Variants in TUSC3 observed in about 807,000 individuals in gnomAD.
TUSC3 encodes the protein tumor suppressor candidate 3.
In TUSC3, 45 loss-of-function variants were observed where a neutral mutation model predicts 44.8. The ratio of observed to expected loss-of-function variants is 1.00; its 90% CI spans 0.79 to 1.29. The LOEUF (loss-of-function observed/expected upper bound fraction) is 1.29, where lower values mean the gene tolerates loss of function less well. TUSC3 is among the 50% of genes most tolerant of loss of function. The probability of loss-of-function intolerance (pLI) is 0.00; values close to 1 mark genes in which losing one functional copy is unlikely to be tolerated. For missense variants in TUSC3, 519 were observed against 437.9 expected (o/e 1.19, Z -1.65); for synonymous variants, 212 against 152.9 (o/e 1.39, Z -2.85).
the TUSC3 span, among the ~76,000 whole-genome samples, chr8:15,848,741 A>C: frequency 3.3e-5 from 5 of 152,154 alleles, no homozygotes; most frequent in African/African-American, 9.7e-5. Context: ...AGAATCTTCA[A>C]CTTGGAGTCA....
intron 2 of TUSC3, among the ~76,000 whole-genome samples, chr8:15,639,388 A>G (rs551102282): frequency 3.3e-5 from 5 of 152,332 alleles, no homozygotes; most frequent in African/African-American, 1.2e-4. Context: ...AATGAATGAG[A>G]ATTTTTTCAT....
chr8:15,512,993 A>G lies in TUSC3; in HGVS notation n.189+29510A>G, dbSNP rs1585071693. On this transcript the variant is annotated intron_variant and non_coding_transcript_variant, in intron 2 of 5. Coordinates refer to the TUSC3 transcript ENST00000503191. The stretch of plus-strand genomic sequence containing the variant: ...TTCTCTGGAAAATTCTCACTCATAC[A>G]TAAGTCAAATTTTTTTCCCAGATTG... Among the ~76,000 whole-genome samples the G allele has an allele frequency of 1.4e-5, 2 of 143,790 alleles. 1 individual carries two copies. The highest frequency in any genetic ancestry group is 1.4e-4 in the Admixed American group (2 of 14,224). 94.3% of individuals were successfully genotyped at this position (143,790 alleles called of 152,430 possible).
chr8:15,751,644 T>C (rs1318746825), intron 9 of TUSC3, among the ~76,000 whole-genome samples: 1 of 151,466 alleles, frequency 6.6e-6, no homozygotes, highest in African/African-American at 2.4e-5. Flanking sequence ...ATTAATTGTC[T>C]GTTTCTTAGG....
chr8:15,770,710 C>G (rs1221987661), downstream of TUSC3, among the ~76,000 whole-genome samples: 1 of 152,040 alleles, frequency 6.6e-6, no homozygotes. Flanking sequence ...GAACTTGAAG[C>G]TAGGTCAGTT....
chr8:15,750,401 C>G (rs552906536), intron 9 of TUSC3, among the ~76,000 whole-genome samples: 1 of 152,218 alleles, frequency 6.6e-6, no homozygotes, highest in East Asian at 1.9e-4. Flanking sequence ...AGATTATTAT[C>G]TGACAGCAAT....
chr8:15,603,340 C>G (rs1804372651), intron 1 of TUSC3, among the ~76,000 whole-genome samples: 1 of 151,548 alleles, frequency 6.6e-6, no homozygotes, highest in Non-Finnish European at 1.5e-5. Context: ...ATCCTGGCAA[C>G]AGAATGCAAA....
At chr8:15,513,810 T>C (rs372677098) in intron 2 of TUSC3, among the ~76,000 whole-genome samples, 30 of 152,328 alleles carry the variant, frequency 2.0e-4, no homozygotes, top group East Asian at 1.2e-3. Flanking sequence ...ACTGCACTTA[T>C]ATCTCACCAG....
In TUSC3 at chr8:15,711,509, G is replaced by GTA. The variant is rs202091319; in HGVS notation, c.799-19145_799-19144dup. On this transcript the variant is annotated intron_variant, in intron 6 of 10. Coordinates refer to ENST00000503731, the MANE Select transcript of TUSC3 (RefSeq NM_006765.4). The stretch of plus-strand genomic sequence containing the variant: ...GTGTGTGTGTGTATTTAATATGTGT[G>GTA]TATATATATATATTTAATATATGTA... Among the ~76,000 whole-genome samples, 373 of 147,858 alleles carry GTA rather than the reference G, an allele frequency of 2.5e-3. 7 individuals are homozygous for GTA. The highest frequency in any genetic ancestry group is 0.016 in the South Asian group (76 of 4,714).
chr8:15,433,252 A>C (rs993850226), intron 1 of TUSC3, among the ~76,000 whole-genome samples: 10 of 152,200 alleles, frequency 6.6e-5, no homozygotes, highest in African/African-American at 2.2e-4. Context: ...ATATTTAAAA[A>C]AACAACATAG....
At chr8:15,834,202 T>C in the TUSC3 span, among the ~76,000 whole-genome samples, 1 of 149,288 alleles carries the variant, frequency 6.7e-6, no homozygotes, top group Admixed American at 6.7e-5. Flanking sequence ...TAAGTTTTCA[T>C]TTTTTCAATT....
chr8:15,594,995 C>T (rs908578948), intron 1 of TUSC3, among the ~76,000 whole-genome samples: 1 of 152,030 alleles, frequency 6.6e-6, no homozygotes, highest in Non-Finnish European at 1.5e-5. Flanking sequence ...TACTTCGGGG[C>T]AATATGATAC....
At chr8:15,549,004 G>T (rs1801964865) in intron 1 of TUSC3, among the ~76,000 whole-genome samples, 1 of 151,708 alleles carries the variant, frequency 6.6e-6, no homozygotes, top group East Asian at 2.0e-4. Context: ...GAAGCTCTGT[G>T]TTAAATAATG....
chr8:15,588,355 C>T (rs954199594), intron 1 of TUSC3, among the ~76,000 whole-genome samples: 8 of 152,024 alleles, frequency 5.3e-5, no homozygotes, highest in African/African-American at 1.9e-4. Flanking sequence ...ATTTGTGTAT[C>T]TTCTTTTTCG....
chr8:15,771,613 A>G (rs367853302), downstream of TUSC3, among the ~76,000 whole-genome samples: 13 of 152,294 alleles, frequency 8.5e-5, no homozygotes, highest in South Asian at 2.1e-3. Context: ...AAACTGGAAA[A>G]CTAACAAATA....
At chr8:15,848,021 T>G in the TUSC3 span, among the ~76,000 whole-genome samples, 4 of 152,196 alleles carry the variant, frequency 2.6e-5, no homozygotes, top group African/African-American at 4.8e-5. Flanking sequence ...ATATTTATTC[T>G]CTTTTTCCTT....
intron 5 of TUSC3, among the ~76,000 whole-genome samples, chr8:15,667,383 ATAAT>A (rs1198366615): frequency 6.6e-6 from 1 of 151,726 alleles, no homozygotes; most frequent in Non-Finnish European, 1.5e-5. Flanking sequence ...TGAACAATAA[ATAAT>A]TCACTTGTGA....
At chr8:15,544,511 G>A (rs1801799504) in intron 1 of TUSC3, among the ~76,000 whole-genome samples, 1 of 151,720 alleles carries the variant, frequency 6.6e-6, no homozygotes, top group African/African-American at 2.4e-5. Context: ...TTTTCTAAGC[G>A]ATCAATTGTT....
chr8:15,573,967 C>T (rs1168482190), intron 1 of TUSC3, among the ~76,000 whole-genome samples: 1 of 152,058 alleles, frequency 6.6e-6, no homozygotes, highest in Non-Finnish European at 1.5e-5. Context: ...GCTGACTAAA[C>T]CAGTCCTTTT....
At chr8:15,650,277 T>C (rs1317354329) in intron 2 of TUSC3, among the ~76,000 whole-genome samples, 2 of 152,218 alleles carry the variant, frequency 1.3e-5, no homozygotes, top group Non-Finnish European at 2.9e-5. Flanking sequence ...AATTGGTCTT[T>C]GCATTTTACT....
Sources: allele counts gnomAD v4.1 joint callset (sites outside exome capture counted in the v4.1 genomes callset), GRCh38; gene constraint gnomAD v4.1.1; transcripts MANE v1.5; gene names NCBI Gene and HGNC (gene_info 2026-07-23, HGNC 2026-07-21).